The following POU2F1 variants were observed in gnomAD, a reference collection of about 807,000 sequenced individuals.
POU2F1 encodes the protein POU class 2 homeobox 1.
A neutral mutation model predicts 84.9 loss-of-function variants in POU2F1; 16 were observed. The ratio of observed to expected loss-of-function variants is 0.19; its 90% confidence interval spans 0.13 to 0.29. The LOEUF is 0.29. POU2F1 is among the 10% of genes least tolerant of loss of function. The pLI is 1.00. For missense variants in POU2F1, 738 were observed against 942.6 expected (o/e 0.78, Z 2.84); for synonymous variants, 368 against 368.3 (o/e 1.00, Z 0.01).
chr1:167,289,092 T>C (rs1653734082), intron 1 of POU2F1, among the ~76,000 whole-genome samples: 1 of 152,106 alleles, frequency 6.6e-6, no homozygotes, highest in African/African-American at 2.4e-5. Flanking sequence ...ATGAGGGGAG[T>C]ATACTTGTAG....
In POU2F1 at chr1:167,250,975, T is replaced by C. The variant is rs144569769; in HGVS notation, c.61+30017T>C. ...AGACATTATTTTAGTAGTTTCAGAATTGTGTTCCTCAAGAGAACAGTAAAG... is the reference window on the plus strand; with the variant it reads ...AGACATTATTTTAGTAGTTTCAGAACTGTGTTCCTCAAGAGAACAGTAAAG... On this transcript the variant is annotated intron_variant, in intron 1 of 15. Coordinates refer to ENST00000367866, the MANE Select transcript of POU2F1 (RefSeq NM_002697.4). 5.2e-3 allele frequency among the ~76,000 whole-genome samples: 790 copies of C among 152,346 alleles called. 7 individuals carry two copies. The highest frequency in any genetic ancestry group is 0.017 in the African/African-American group (722 of 41,586).
In POU2F1 at chr1:167,277,916, G is replaced by A. The variant is rs150658724; in HGVS notation, c.62-54554G>A. Among the ~76,000 whole-genome samples, 263 of 152,202 alleles carry A rather than the reference G, an allele frequency of 1.7e-3. 1 individual carries two copies. Among genetic ancestry groups the A allele is most frequent in the Non-Finnish European group, 2.4e-3 (166 of 68,016 alleles). The stretch of plus-strand genomic sequence containing the variant: ...AATTTTCAAATCCATATTCTCTGCT[G>A]TCTTAGTCTGAGTAGGATTATCTCC... On this transcript the variant is annotated intron_variant, in intron 1 of 15. Transcript: ENST00000367866.
At chr1:167,333,370 GA>G (rs941494566) in intron 2 of POU2F1, among the ~76,000 whole-genome samples, 82 of 152,248 alleles carry the variant, frequency 5.4e-4, no homozygotes, top group African/African-American at 1.8e-3. Flanking sequence ...AACCAAATAA[GA>G]AGACAGTTAT....
chr1:167,321,149 C>A (rs1656285986), intron 1 of POU2F1, among the ~76,000 whole-genome samples: 1 of 152,074 alleles, frequency 6.6e-6, no homozygotes, highest in South Asian at 2.1e-4. Context: ...CGAGTGGGGG[C>A]AGCACAAAGT....
chr1:167,360,909 C>T (rs1464568876), intron 2 of POU2F1, among the ~76,000 whole-genome samples: 7 of 151,806 alleles, frequency 4.6e-5, no homozygotes, highest in African/African-American at 1.7e-4. Flanking sequence ...TCTTTCACCT[C>T]CTTGATTAGA....
At chr1:167,256,497 T>C (rs1369353036) in intron 1 of POU2F1, among the ~76,000 whole-genome samples, 1 of 152,032 alleles carries the variant, frequency 6.6e-6, no homozygotes, top group Non-Finnish European at 1.5e-5. Flanking sequence ...ACATAACTTT[T>C]TAGATGAAGA....
chr1:167,271,197 A>G (rs1652347071), intron 1 of POU2F1, among the ~76,000 whole-genome samples: 1 of 152,222 alleles, frequency 6.6e-6, no homozygotes, highest in Admixed American at 6.5e-5. Context: ...TAGTCATTAG[A>G]CAAATAGTAA....
chr1:167,344,119 TACTA>T (rs1344285338), intron 2 of POU2F1, among the ~76,000 whole-genome samples: 11 of 152,204 alleles, frequency 7.2e-5, no homozygotes, highest in African/African-American at 2.7e-4. Context: ...TCCTCAATCA[TACTA>T]ACCACATTTC....
At chr1:167,397,941 A>G in intron 10 of POU2F1, 53 bp from the exon 11 acceptor site, 1 of 1,542,290 alleles carries the variant, frequency 6.5e-7, no homozygotes, top group Non-Finnish European at 8.8e-7. Flanking sequence ...TATTATGCAC[A>G]TGAATCACTG....
At chr1:167,396,624 A>G in intron 10 of POU2F1, 197 bp downstream of exon 10, 1 of 573,208 alleles carries the variant, frequency 1.7e-6, no homozygotes, top group Non-Finnish European at 2.9e-6. Context: ...TAGTAATTAC[A>G]GTATAAATAA....
chr1:167,301,572 C>G (rs1040644129), intron 1 of POU2F1, among the ~76,000 whole-genome samples: 1 of 152,166 alleles, frequency 6.6e-6, no homozygotes, highest in African/African-American at 2.4e-5. Context: ...TTGTGAGGAC[C>G]ACACCTGGTT....
At chr1:167,307,740 G>A (rs1334311291) in intron 1 of POU2F1, among the ~76,000 whole-genome samples, 7 of 152,022 alleles carry the variant, frequency 4.6e-5, no homozygotes, top group East Asian at 1.9e-4. Context: ...GGTTACTATC[G>A]ACTAATCCGT....
chr1:167,376,117 C>T lies in POU2F1; in HGVS notation c.680C>T (p.Ala227Val). ...LVHPTTNLQP[A>V]QFIISQTPQG... ...CATCCAACCACCAATTTGCAGCCAG[C>T]GCAGTTTATCATCTCACAGACGCCC... The change falls in exon 7 of 16, where the codon GCG becomes GTG. Residue 227 changes from alanine to valine, a missense_variant. Ala to Val is a moderately conservative substitution (Grantham distance 64, BLOSUM62 0). Around this residue, in one of 4 missense-constraint regions of POU2F1, gnomAD observed 163 missense variants for 214.4 expected, o/e 0.76. Transcript: ENST00000367866. 4 of 1,614,214 alleles carry T rather than the reference C, an allele frequency of 2.5e-6. No homozygotes were observed. Among genetic ancestry groups the T allele is most frequent in the South Asian group, 1.1e-5 (1 of 91,088 alleles).
chr1:167,367,896 C>T (rs1228175368), intron 3 of POU2F1, among the ~76,000 whole-genome samples: 3 of 151,918 alleles, frequency 2.0e-5, no homozygotes, highest in Non-Finnish European at 2.9e-5. Context: ...TGATTATAGG[C>T]GTACACCATG....
intron 1 of POU2F1, among the ~76,000 whole-genome samples, chr1:167,314,502 C>T (rs1655739797): frequency 6.6e-6 from 1 of 152,056 alleles, no homozygotes; most frequent in South Asian, 2.1e-4. Flanking sequence ...ACAGTTCAGG[C>T]ATGGTGGTTG....
At chr1:167,369,453 AT>A (rs1190486625) in intron 3 of POU2F1, among the ~76,000 whole-genome samples, 2 of 152,202 alleles carry the variant, frequency 1.3e-5, no homozygotes, top group Non-Finnish European at 2.9e-5. Flanking sequence ...TTTCTCACCC[AT>A]TAGTTATCCA....
intron 7 of POU2F1, among the ~76,000 whole-genome samples, chr1:167,383,223 G>A (rs61361356): frequency 6.6e-6 from 1 of 152,026 alleles, no homozygotes; most frequent in Non-Finnish European, 1.5e-5. Flanking sequence ...GGTTGGTCCT[G>A]TCTATCAGTT....
intron 13 of POU2F1, among the ~76,000 whole-genome samples, chr1:167,402,536 A>G (rs1346379557): frequency 6.6e-6 from 1 of 152,110 alleles, no homozygotes; most frequent in Non-Finnish European, 1.5e-5. Flanking sequence ...TGGATGTTGG[A>G]CCTTTTTAAG....
chr1:167,222,978 T>C (rs1384288949), intron 1 of POU2F1, among the ~76,000 whole-genome samples: 1 of 151,950 alleles, frequency 6.6e-6, no homozygotes. Context: ...CCTCTAGGAG[T>C]TGTGGAGTAG....
Sources: allele counts gnomAD v4.1 joint callset (sites outside exome capture counted in the v4.1 genomes callset), GRCh38; gene constraint gnomAD v4.1.1; regional missense constraint gnomAD v4.1.1; transcripts MANE v1.5; gene names NCBI Gene and HGNC (gene_info 2026-07-23, HGNC 2026-07-21).